The following STRN variants were observed in gnomAD, a reference collection of about 807,000 sequenced individuals.
The protein encoded by STRN is protein phosphatase 2 regulatory subunit B'''alpha.
In STRN, 53 loss-of-function variants were observed where a neutral mutation model predicts 96.3. That is an observed-to-expected ratio of 0.55 (90% CI 0.44 to 0.69). The LOEUF (loss-of-function observed/expected upper bound fraction) is 0.69, where lower values mean the gene tolerates loss of function less well. STRN is among the 30% of genes least tolerant of loss of function. The pLI, the probability that STRN is intolerant of heterozygous loss-of-function variation, is 0.00. For synonymous variants in STRN, 428 were observed against 355.9 expected, an observed-to-expected ratio of 1.20 and a Z score of -2.28; for missense variants, 987 against 963.9, an observed-to-expected ratio of 1.02 and a Z score of -0.32.
intron 10 of STRN, among the ~76,000 whole-genome samples, chr2:36,870,206 T>C (rs934002106): frequency 1.3e-5 from 2 of 150,966 alleles, no homozygotes; most frequent in Non-Finnish European, 2.9e-5. Context: ...AAACATAAAA[T>C]GTTAAAAATC....
rs78468347 is a variant in STRN at position 36,894,076 on chromosome 2, C to A, written c.796-43G>T. On this transcript the variant is annotated intron_variant, in intron 6 of 17. Coordinates refer to ENST00000263918, the MANE Select transcript of STRN (RefSeq NM_003162.4). ...TAAATTAAATAAAGGAGATAGTTTC[C>A]CTTTACCACTGAATAAGAAAATTCA... 9.0e-4 allele frequency: 1,430 copies of A among 1,580,166 alleles called. 15 individuals are homozygous for A. In the African/African-American group the frequency reaches 0.017, roughly 19 times the overall value.
chr2:36,855,299 C>T lies in STRN; in HGVS notation c.1891G>A (p.Val631Ile). Residue 631 changes from valine (V) to isoleucine (I), a missense_variant, in exon 15 of 18, where the codon GTA (valine) becomes ATA (isoleucine). Coordinates refer to ENST00000263918, the MANE Select transcript of STRN (RefSeq NM_003162.4). Reference sequence around the variant, plus strand: ...GTATATCCCTTGCTGAATGATGCTACCATATGGCTCGGGTCACTGCTCACT... The same window carrying T: ...GTATATCCCTTGCTGAATGATGCTATCATATGGCTCGGGTCACTGCTCACT... ...DLVSSDPSHMVASFSKGYTSI... is the reference protein window; with the variant it reads ...DLVSSDPSHMIASFSKGYTSI... The T allele has an allele frequency of 6.2e-7, 1 of 1,613,876 alleles. No homozygotes were observed. The highest frequency in any genetic ancestry group is 8.5e-7 in the Non-Finnish European group (1 of 1,179,840).
rs769640340 is a variant in STRN, at chr2:36,902,595, T to C, written c.648A>G (p.Thr216=). The C allele has an allele frequency of 5.6e-6, 9 of 1,602,906 alleles. No homozygotes were observed. The African/African-American group carries it at 8.0e-5, about 14-fold the overall frequency. ...VNGTEAEVKE[T]AMIAKSELTD... Reference sequence around the variant, plus strand: ...GACAAAATACTTACGCAATCATTGCTGTCTCTTTAACTTCAGCCTCTGTGC... The same window carrying C: ...GACAAAATACTTACGCAATCATTGCCGTCTCTTTAACTTCAGCCTCTGTGC... The change falls in exon 5 of 18, where the codon ACA becomes ACG. Residue 216 remains threonine, a synonymous_variant. Coordinates refer to ENST00000263918, the MANE Select transcript of STRN (RefSeq NM_003162.4).
At chr2:36,853,523 T>C (rs1279871852) in intron 15 of STRN, among the ~76,000 whole-genome samples, 4 of 152,220 alleles carry the variant, frequency 2.6e-5, no homozygotes, top group African/African-American at 9.6e-5. Flanking sequence ...CTCCACTTGA[T>C]GATAAATCAG....
intron 4 of STRN, among the ~76,000 whole-genome samples, chr2:36,905,003 CTT>C (rs1669784630): frequency 7.0e-6 from 1 of 143,250 alleles, no homozygotes; most frequent in South Asian, 2.2e-4. Flanking sequence ...AAGTTTCGCT[CTT>C]GTTGCCCAGG....
chr2:36,925,608 C>T (rs1483167795), intron 1 of STRN, among the ~76,000 whole-genome samples: 1 of 152,006 alleles, frequency 6.6e-6, no homozygotes, highest in Non-Finnish European at 1.5e-5. Context: ...GAAACCCTGT[C>T]TCTACTAAAA....
chr2:36,918,889 C>T (rs1223119583), intron 2 of STRN, among the ~76,000 whole-genome samples: 2 of 152,102 alleles, frequency 1.3e-5, no homozygotes, highest in African/African-American at 2.4e-5. Context: ...TCTAATTCTG[C>T]CTATAAGATA....
intron 10 of STRN, among the ~76,000 whole-genome samples, chr2:36,874,915 G>A (rs1270176152): frequency 2.0e-5 from 3 of 152,072 alleles, no homozygotes; most frequent in Non-Finnish European, 4.4e-5. Context: ...AGTCAGACAT[G>A]CAGAAAATAA....
intron 16 of STRN, 68 bp from the exon 17 acceptor site, chr2:36,849,868 T>C (rs1668176656): frequency 6.8e-7 from 1 of 1,480,230 alleles, no homozygotes. Flanking sequence ...CCAGCTACCA[T>C]GTCCTGCTGG....
intron 3 of STRN, among the ~76,000 whole-genome samples, 166 bp from the exon 4 acceptor site, chr2:36,905,784 C>T (rs1669804639): frequency 6.6e-6 from 1 of 152,152 alleles, no homozygotes; most frequent in South Asian, 2.1e-4. Context: ...ACTGTAATTT[C>T]TATAACAAAA....
At chr2:36,931,565 G>A (rs1347343010) in intron 1 of STRN, among the ~76,000 whole-genome samples, 2 of 152,134 alleles carry the variant, frequency 1.3e-5, no homozygotes, top group African/African-American at 2.4e-5. Flanking sequence ...CACCTACTTT[G>A]TGCCTGGCAG....
Position 36,846,161 on chromosome 2 carries a change from G to A in STRN, c.*3295C>T, listed in dbSNP as rs1668069420. ...ATAAAATATTTTTCAATTCACATTT[G>A]AATAGCCAGGTTTTCTTACATTCAG... On this transcript the variant is annotated 3_prime_UTR_variant, in exon 18 of 18. Transcript: ENST00000263918. 1 of 150,192 alleles carries A rather than the reference G, an allele frequency of 6.7e-6. No homozygotes were observed. The highest frequency in any genetic ancestry group is 6.7e-5 in the Admixed American group (1 of 15,030). The allele number at this position is 150,192 out of a possible 1,614,324, so 9.3% of individuals were successfully genotyped here.
At chr2:36,919,606 C>T (rs1038016452) in intron 2 of STRN, among the ~76,000 whole-genome samples, 2 of 152,016 alleles carry the variant, frequency 1.3e-5, no homozygotes, top group African/African-American at 2.4e-5. Flanking sequence ...TTACTAAGAA[C>T]GTGAAATTAG....
At position 36,842,683 on chromosome 2, in the gene STRN, G is replaced by A. The variant is rs1667979423; in HGVS notation, c.*6773C>T. On this transcript the variant is annotated 3_prime_UTR_variant, in exon 18 of 18. Coordinates refer to ENST00000263918, the MANE Select transcript of STRN (RefSeq NM_003162.4). The stretch of plus-strand genomic sequence containing the variant: ...AATAAGGAAAGGGTTAGGTTTTGTA[G>A]GGTTTGAGTGATACTTAGAAGCGAG... 6.6e-6 allele frequency: 1 copy of A among 152,114 alleles called. No homozygotes were observed. The highest frequency in any genetic ancestry group is 2.4e-5 in the African/African-American group (1 of 41,408). 9.4% of individuals were successfully genotyped at this position (152,114 alleles called of 1,614,324 possible).
chr2:36,849,775 G>A lies in STRN; in HGVS notation c.2112C>T (p.Ala704=). The A allele has an allele frequency of 6.2e-7, 1 of 1,614,048 alleles. No homozygotes were observed. Among genetic ancestry groups the A allele is most frequent in the Non-Finnish European group, 8.5e-7 (1 of 1,179,980 alleles). ...CTAAACTTGTAACAGCTTCTAGGTG[G>A]GCTACCATCGAGTGGATCAGTTTGC... The part of the protein sequence containing the change: ...NTGKLIHSMV[A]HLEAVTSLAV... Residue 704 remains alanine, a synonymous_variant, in exon 17 of 18, where the codon GCC becomes GCT. Transcript: ENST00000263918.
At position 36,843,472 on chromosome 2, in the gene STRN, T is replaced by G. The variant is rs558053547; in HGVS notation, c.*5984A>C. Among the ~76,000 whole-genome samples, 8 of 152,146 alleles carry G rather than the reference T, an allele frequency of 5.3e-5. No individual in the cohort carries two copies. The highest frequency in any genetic ancestry group is 1.7e-4 in the African/African-American group (7 of 41,442). ...TTTAAAAGCCATTTAAACTGAACAT[T>G]TGAAAAACATAAAACCTATTCATTA... is the stretch of plus-strand genomic sequence containing the variant. On this transcript the variant is annotated 3_prime_UTR_variant, in exon 18 of 18. Transcript: ENST00000263918.
At chr2:36,862,181 G>A (rs1270561980) in intron 12 of STRN, among the ~76,000 whole-genome samples, 1 of 152,130 alleles carries the variant, frequency 6.6e-6, no homozygotes, top group Non-Finnish European at 1.5e-5. Context: ...TGGGCATTTA[G>A]GGTGACTCCA....
At chr2:36,928,441 C>T (rs929577693) in intron 1 of STRN, among the ~76,000 whole-genome samples, 1 of 148,730 alleles carries the variant, frequency 6.7e-6, no homozygotes. Context: ...CACTTGAGGT[C>T]AAGAGTTCGA....
chr2:36,879,758 C>A (rs1432952759), intron 9 of STRN, among the ~76,000 whole-genome samples: 1 of 152,172 alleles, frequency 6.6e-6, no homozygotes, highest in Non-Finnish European at 1.5e-5. Context: ...AACAAGTCAA[C>A]TGTATTGACT....
Sources: allele counts gnomAD v4.1 joint callset (sites outside exome capture counted in the v4.1 genomes callset), GRCh38; gene constraint gnomAD v4.1.1; transcripts MANE v1.5; gene names NCBI Gene and HGNC (gene_info 2026-07-23, HGNC 2026-07-21).